Variants in CNTN5 observed in about 807,000 individuals in gnomAD.
CNTN5 encodes contactin-5.
CNTN5 carries 77 observed loss-of-function variants against 129.1 expected under a neutral mutation model. The ratio of observed to expected loss-of-function variants is 0.60; its 90% CI spans 0.50 to 0.72. The LOEUF (loss-of-function observed/expected upper bound fraction) is 0.72. CNTN5 is among the 30% of genes least tolerant of loss of function. The pLI, the probability that CNTN5 is intolerant of heterozygous loss-of-function variation, is 0.00. For synonymous variants in CNTN5, 509 were observed against 465.6 expected (o/e 1.09, Z -1.20); for missense variants, 1,478 against 1,328.8 (o/e 1.11, Z -1.75).
chr11:100,167,152 A>G (rs570602510), intron 13 of CNTN5, among the ~76,000 whole-genome samples: 1 of 151,896 alleles, frequency 6.6e-6, no homozygotes, highest in Admixed American at 6.6e-5. Context: ...CCAAATTCCA[A>G]TTAAAACAGT....
intron 9 of CNTN5, among the ~76,000 whole-genome samples, chr11:100,052,549 G>A (rs1171369332): frequency 5.9e-5 from 9 of 151,694 alleles, no homozygotes; most frequent in African/African-American, 2.2e-4. Flanking sequence ...ACATTTATGA[G>A]AGAAATAAAA....
At chr11:99,502,127 A>G (rs1311864001) in intron 2 of CNTN5, among the ~76,000 whole-genome samples, 2 of 152,184 alleles carry the variant, frequency 1.3e-5, no homozygotes, top group Admixed American at 6.5e-5. Context: ...GCAACAGACA[A>G]TTCAATTGTA....
intron 1 of CNTN5, among the ~76,000 whole-genome samples, chr11:99,153,554 C>T (rs1164408601): frequency 6.6e-6 from 1 of 150,840 alleles, no homozygotes; most frequent in Non-Finnish European, 1.5e-5. Context: ...TATTGTATTC[C>T]ATAGATTCCT....
chr11:99,520,749 A>G (rs1050805719), intron 2 of CNTN5, among the ~76,000 whole-genome samples: 1 of 152,112 alleles, frequency 6.6e-6, no homozygotes. Context: ...ATCCAAGAGA[A>G]GATCACAAAT....
chr11:99,991,325 G>A (rs1394632074), intron 8 of CNTN5, among the ~76,000 whole-genome samples: 1 of 140,902 alleles, frequency 7.1e-6, no homozygotes, highest in Non-Finnish European at 1.5e-5. Context: ...AAATTAGCCA[G>A]GCGTGGTGGT....
chr11:99,430,713 T>C (rs188163816), intron 2 of CNTN5, among the ~76,000 whole-genome samples: 7 of 151,790 alleles, frequency 4.6e-5, no homozygotes, highest in South Asian at 2.1e-4. Context: ...ATTTTAACCA[T>C]AGGCCTCCAA....
intron 1 of CNTN5, among the ~76,000 whole-genome samples, chr11:99,231,285 T>A (rs917570368): frequency 6.6e-6 from 1 of 152,152 alleles, no homozygotes; most frequent in Non-Finnish European, 1.5e-5. Context: ...GTAAAAGTGT[T>A]CCTGTTTCTC....
intron 1 of CNTN5, among the ~76,000 whole-genome samples, chr11:99,112,619 GATATTAAGTT>G (rs1164981517): frequency 2.6e-5 from 4 of 151,942 alleles, no homozygotes; most frequent in African/African-American, 9.7e-5. Flanking sequence ...ATCCATGAAT[GATATTAAGTT>G]TTGAAGGAGA....
intron 1 of CNTN5, among the ~76,000 whole-genome samples, chr11:99,192,807 T>C (rs1358328758): frequency 6.6e-6 from 1 of 152,144 alleles, no homozygotes; most frequent in Non-Finnish European, 1.5e-5. Context: ...CTTACTGTTA[T>C]ATTTGTTTTT....
intron 23 of CNTN5, among the ~76,000 whole-genome samples, chr11:100,344,694 A>G (rs1952241093): frequency 6.6e-6 from 1 of 152,150 alleles, no homozygotes; most frequent in African/African-American, 2.4e-5. Context: ...TGGATAACCC[A>G]ATTACCCTGA....
intron 2 of CNTN5, among the ~76,000 whole-genome samples, chr11:99,485,243 T>TA (rs11323677): frequency 1.1e-4 from 17 of 150,542 alleles, no homozygotes; most frequent in Non-Finnish European, 1.5e-4. Context: ...CAAAATTGTT[T>TA]AAAAAAAAAA....
rs547119331 is a variant in CNTN5 at position 99,040,114 on chromosome 11, A to G, written c.-210+18844A>G. On this transcript the variant is annotated intron_variant, in intron 1 of 24. Coordinates refer to ENST00000524871, the MANE Select transcript of CNTN5 (RefSeq NM_014361.4). ...CATGGGAATACAGACATGTTGGACT[A>G]TTTTGCCAAGGTACCTCCAAGAAGA... Among the ~76,000 whole-genome samples the G allele has an allele frequency of 3.9e-4, 59 of 152,274 alleles. 1 individual carries two copies. Among genetic ancestry groups the G allele is most frequent in the Non-Finnish European group, 6.8e-4 (46 of 67,984 alleles).
chr11:99,944,096 G>T (rs1047033089), intron 7 of CNTN5, among the ~76,000 whole-genome samples: 30 of 151,602 alleles, frequency 2.0e-4, no homozygotes, highest in African/African-American at 7.3e-4. Flanking sequence ...ATAGCTTGAT[G>T]GGAAAAGTAT....
intron 1 of CNTN5, among the ~76,000 whole-genome samples, chr11:99,040,410 TATGAG>T (rs1441764115): frequency 6.6e-6 from 1 of 152,118 alleles, no homozygotes; most frequent in African/African-American, 2.4e-5. Flanking sequence ...TTTTATAAGA[TATGAG>T]ATAAATATTG....
intron 1 of CNTN5, among the ~76,000 whole-genome samples, chr11:99,226,218 T>A (rs1263658331): frequency 6.6e-6 from 1 of 152,152 alleles, no homozygotes; most frequent in African/African-American, 2.4e-5. Context: ...ATGAAAGAAT[T>A]TTAGTCTTAA....
intron 2 of CNTN5, among the ~76,000 whole-genome samples, chr11:99,432,439 C>CCTTCT (rs1555143550): frequency 2.2e-4 from 25 of 113,288 alleles, no homozygotes; most frequent in Middle Eastern, 0.011. Flanking sequence ...CCTTTTCTTT[C>CCTTCT]CTTTTCTTTT....
At chr11:99,618,995 A>G (rs1950845422) in intron 3 of CNTN5, among the ~76,000 whole-genome samples, 1 of 152,216 alleles carries the variant, frequency 6.6e-6, no homozygotes, top group South Asian at 2.1e-4. Context: ...TGCCAAATGC[A>G]CATCTAGATC....
intron 13 of CNTN5, among the ~76,000 whole-genome samples, chr11:100,127,052 C>A (rs939885485): frequency 1.3e-5 from 2 of 151,358 alleles, no homozygotes; most frequent in South Asian, 4.2e-4. Flanking sequence ...CCCAGGTAGC[C>A]CAGGTAGCTG....
Position 99,610,522 on chromosome 11 carries a change from T to G in CNTN5, c.55+54253T>G, listed in dbSNP as rs556994943. Among the ~76,000 whole-genome samples the G allele has an allele frequency of 2.6e-3, 392 of 152,280 alleles. 2 individuals are homozygous for G. The highest frequency in any genetic ancestry group is 9.2e-3 in the African/African-American group (381 of 41,568). On this transcript the variant is annotated intron_variant, in intron 3 of 24. Coordinates refer to ENST00000524871, the MANE Select transcript of CNTN5 (RefSeq NM_014361.4). ...ATCAGATTCAAAGAGGTAAAATTAGTTTGTAAGAAGTCGAACTATTACTTC... is the reference window on the plus strand; with the variant it reads ...ATCAGATTCAAAGAGGTAAAATTAGGTTGTAAGAAGTCGAACTATTACTTC...
Sources: allele counts gnomAD v4.1 joint callset (sites outside exome capture counted in the v4.1 genomes callset), GRCh38; gene constraint gnomAD v4.1.1; transcripts MANE v1.5; gene names NCBI Gene and HGNC (gene_info 2026-07-23, HGNC 2026-07-21).